Variants in GRIP1 observed in about 807,000 individuals in gnomAD.
The protein encoded by GRIP1 is glutamate receptor interacting protein 1.
A neutral mutation model predicts 129.9 loss-of-function variants in GRIP1; 45 were observed. The ratio of observed to expected loss-of-function variants is 0.35; its 90% confidence interval spans 0.27 to 0.44. The LOEUF is 0.44. Ranked by LOEUF, GRIP1 falls within the 20% of genes least tolerant of loss-of-function variation. The pLI is 1.00. For synonymous variants in GRIP1, 530 were observed against 520.8 expected (o/e 1.02, Z -0.24); for missense variants, 1,196 against 1,396.8 (o/e 0.86, Z 2.29).
chr12:66,821,059 T>G (rs2039308350), intron 1 of GRIP1, among the ~76,000 whole-genome samples: 1 of 152,160 alleles, frequency 6.6e-6, no homozygotes, highest in Admixed American at 6.5e-5. Context: ...ACTGTACCAC[T>G]TTGGTGGAGG....
intron 7 of GRIP1, among the ~76,000 whole-genome samples, chr12:66,510,955 C>T (rs1314889958): frequency 6.6e-6 from 1 of 152,104 alleles, no homozygotes; most frequent in African/African-American, 2.4e-5. Flanking sequence ...TGAGATACTA[C>T]CACATGCTGA....
At chr12:67,006,061 A>G (rs2042621679) in intron 1 of GRIP1, among the ~76,000 whole-genome samples, 1 of 152,186 alleles carries the variant, frequency 6.6e-6, no homozygotes, top group South Asian at 2.1e-4. Context: ...AGGTAGCATC[A>G]ATGCTTTTAA....
chr12:66,979,244 A>AC (rs2042205782), intron 1 of GRIP1, among the ~76,000 whole-genome samples: 2 of 147,958 alleles, frequency 1.4e-5, no homozygotes, highest in Admixed American at 6.8e-5. Flanking sequence ...AAAAAAAAAA[A>AC]AAAAAAAAAA....
intron 1 of GRIP1, among the ~76,000 whole-genome samples, chr12:66,802,618 T>G (rs2038889917): frequency 6.6e-6 from 1 of 152,176 alleles, no homozygotes; most frequent in African/African-American, 2.4e-5. Context: ...CAATTCTGTT[T>G]CTACAAACAT....
intron 1 of GRIP1, among the ~76,000 whole-genome samples, chr12:66,693,205 G>A (rs2035039319): frequency 6.6e-6 from 1 of 152,158 alleles, no homozygotes; most frequent in African/African-American, 2.4e-5. Flanking sequence ...TATCAAACTG[G>A]CAGCTCCAGG....
chr12:66,973,378 C>CTTTTT (rs55729292), intron 1 of GRIP1, among the ~76,000 whole-genome samples: 1 of 129,500 alleles, frequency 7.7e-6, no homozygotes, highest in African/African-American at 2.9e-5. Flanking sequence ...CTTTTTCATT[C>CTTTTT]TTTTTTTTTT....
intron 1 of GRIP1, among the ~76,000 whole-genome samples, chr12:67,002,157 C>A (rs1473873998): frequency 6.6e-6 from 1 of 152,156 alleles, no homozygotes; most frequent in Admixed American, 6.5e-5. Context: ...GTAGGAAATG[C>A]AGTACTTTCG....
chr12:66,849,027 G>A (rs1006119224), intron 1 of GRIP1, among the ~76,000 whole-genome samples: 5 of 152,094 alleles, frequency 3.3e-5, no homozygotes, highest in African/African-American at 9.7e-5. Flanking sequence ...ACTCCATCCT[G>A]CATATTGCTG....
At chr12:66,437,645 A>C (rs1313023403) in intron 13 of GRIP1, among the ~76,000 whole-genome samples, 2 of 152,220 alleles carry the variant, frequency 1.3e-5, no homozygotes, top group Non-Finnish European at 2.9e-5. Context: ...ATCAACAAAT[A>C]TTAAAATACA....
At chr12:66,872,738 C>T (rs1408650541) in intron 1 of GRIP1, among the ~76,000 whole-genome samples, 1 of 152,022 alleles carries the variant, frequency 6.6e-6, no homozygotes, top group Non-Finnish European at 1.5e-5. Context: ...TTGTTCAGGC[C>T]TTTGGAGCCG....
At chr12:67,019,385 C>T (rs573986968) in intron 1 of GRIP1, among the ~76,000 whole-genome samples, 10 of 152,310 alleles carry the variant, frequency 6.6e-5, no homozygotes, top group Admixed American at 6.5e-4. Context: ...TGCACAGAGG[C>T]TCAGCCCCAC....
upstream of GRIP1, among the ~76,000 whole-genome samples, chr12:66,680,530 AT>A (rs1194587188): frequency 6.6e-6 from 1 of 152,068 alleles, no homozygotes; most frequent in Non-Finnish European, 1.5e-5. Context: ...GCAAAATCAA[AT>A]TTTTATAATT....
intron 1 of GRIP1, among the ~76,000 whole-genome samples, chr12:66,869,844 C>T (rs138536325): frequency 1.7e-3 from 262 of 152,152 alleles, no homozygotes; most frequent in Non-Finnish European, 3.2e-3. Context: ...TATAATTTTC[C>T]CTTTGCACTA....
At chr12:66,746,686 G>C (rs1178239295) in intron 1 of GRIP1, among the ~76,000 whole-genome samples, 1 of 152,144 alleles carries the variant, frequency 6.6e-6, no homozygotes, top group African/African-American at 2.4e-5. Context: ...CCCTATGACT[G>C]AGCTTAATTA....
intron 23 of GRIP1, among the ~76,000 whole-genome samples, chr12:66,370,352 T>C (rs1193805199): frequency 6.6e-6 from 1 of 152,200 alleles, no homozygotes; most frequent in African/African-American, 2.4e-5. Flanking sequence ...ACAGTATGGG[T>C]ATTAAATGAA....
intron 4 of GRIP1, among the ~76,000 whole-genome samples, chr12:66,533,434 C>T (rs1247383624): frequency 6.6e-6 from 1 of 151,936 alleles, no homozygotes; most frequent in Non-Finnish European, 1.5e-5. Flanking sequence ...CACCTGAGGT[C>T]AGGAGTTTGA....
intron 1 of GRIP1, among the ~76,000 whole-genome samples, chr12:66,852,577 T>TA (rs1422133356): frequency 6.0e-5 from 9 of 150,584 alleles, no homozygotes; most frequent in Non-Finnish European, 1.2e-4. Flanking sequence ...TGCATACAGG[T>TA]ATATGTATAT....
At chr12:67,019,784 A>G (rs920870232) in intron 1 of GRIP1, among the ~76,000 whole-genome samples, 1 of 151,758 alleles carries the variant, frequency 6.6e-6, no homozygotes, top group Non-Finnish European at 1.5e-5. Context: ...TAAAATAAAC[A>G]GTAGATTTAT....
At chr12:66,758,955 A>G (rs749417496) in intron 1 of GRIP1, among the ~76,000 whole-genome samples, 73 of 152,128 alleles carry the variant, frequency 4.8e-4, no homozygotes, top group Non-Finnish European at 8.8e-4. Context: ...TTCCAGGCAC[A>G]TGGTTCAAGC....
Sources: gnomAD v4.1 joint callset for allele counts (sites outside exome capture counted in the v4.1 genomes callset) on GRCh38, gnomAD v4.1.1 for gene constraint, MANE v1.5 for transcripts, NCBI Gene and HGNC (gene_info 2026-07-23, HGNC 2026-07-21) for gene names.